The following RBFOX1 variants were observed in gnomAD, a reference collection of about 807,000 sequenced individuals.
The protein encoded by RBFOX1 is RNA binding fox-1 homolog 1.
A neutral mutation model predicts 57.7 loss-of-function variants in RBFOX1; 8 were observed. The ratio of observed to expected loss-of-function variants is 0.14; its 90% CI spans 0.08 to 0.25. The LOEUF (loss-of-function observed/expected upper bound fraction) is 0.25. RBFOX1 is among the 10% of genes least tolerant of loss of function. The pLI, the probability that RBFOX1 is intolerant of heterozygous loss-of-function variation, is 1.00. For synonymous variants in RBFOX1, 326 were observed against 222.4 expected, an observed-to-expected ratio of 1.47 and a Z score of -4.15; for missense variants, 611 against 548.5, an observed-to-expected ratio of 1.11 and a Z score of -1.14.
At chr16:7,221,431 A>G (rs56055240) in intron 4 of RBFOX1, among the ~76,000 whole-genome samples, 14,057 of 151,872 alleles carry the variant, frequency 0.093, 746 homozygotes, top group African/African-American at 0.13. Flanking sequence ...CAGTGGCCCA[A>G]TCTTGGCTCA....
intron 10 of RBFOX1, among the ~76,000 whole-genome samples, chr16:7,609,900 C>G (rs188770647): frequency 6.6e-6 from 1 of 151,912 alleles, no homozygotes; most frequent in African/African-American, 2.4e-5. Flanking sequence ...TCACTGCAAG[C>G]TCTGCCTCCC....
intron 4 of RBFOX1, among the ~76,000 whole-genome samples, chr16:5,879,633 T>TTAG (rs2057712673): frequency 6.6e-6 from 1 of 152,290 alleles, no homozygotes; most frequent in East Asian, 1.9e-4. Context: ...CCTGATCTAT[T>TTAG]TTCTTATTTA....
At chr16:6,036,410 A>G (rs2095366047) in intron 1 of RBFOX1, among the ~76,000 whole-genome samples, 1 of 150,962 alleles carries the variant, frequency 6.6e-6, no homozygotes, top group South Asian at 2.1e-4. Context: ...TTTTTTTGCC[A>G]TTGCTTTTTT....
chr16:5,444,252 A>G (rs1205492662), intron 1 of RBFOX1, among the ~76,000 whole-genome samples: 1 of 152,186 alleles, frequency 6.6e-6, no homozygotes, highest in Non-Finnish European at 1.5e-5. Context: ...AAAACTGCAG[A>G]TTGGCTGCCT....
At chr16:6,717,237 TA>T (rs374232884) in intron 3 of RBFOX1, among the ~76,000 whole-genome samples, 2,091 of 148,700 alleles carry the variant, frequency 0.014, 52 homozygotes, top group African/African-American at 0.048. Flanking sequence ...AGCAAACTGT[TA>T]AAAAAAAAAG....
intron 1 of RBFOX1, among the ~76,000 whole-genome samples, chr16:6,055,844 G>T (rs968004572): frequency 1.2e-4 from 18 of 152,074 alleles, no homozygotes; most frequent in South Asian, 4.2e-4. Context: ...AAAGTACAAG[G>T]ATGCAAATTC....
At chr16:5,386,871 C>T (rs1017517584) in intron 1 of RBFOX1, among the ~76,000 whole-genome samples, 3 of 152,022 alleles carry the variant, frequency 2.0e-5, no homozygotes, top group South Asian at 2.1e-4. Context: ...CCCAACACGG[C>T]GAAACCCCAT....
intron 4 of RBFOX1, among the ~76,000 whole-genome samples, chr16:7,203,858 T>C (rs918161281): frequency 1.3e-5 from 2 of 152,220 alleles, no homozygotes; most frequent in African/African-American, 4.8e-5. Context: ...AATCTAAGTT[T>C]GTCCAGAGAG....
intron 1 of RBFOX1, among the ~76,000 whole-genome samples, chr16:6,024,716 A>G (rs1461846955): frequency 6.6e-6 from 1 of 152,106 alleles, no homozygotes; most frequent in African/African-American, 2.4e-5. Context: ...CCTGACCTCA[A>G]GTGATCCACC....
At chr16:7,138,046 T>C (rs191944277) in intron 4 of RBFOX1, among the ~76,000 whole-genome samples, 1 of 152,322 alleles carries the variant, frequency 6.6e-6, no homozygotes, top group Non-Finnish European at 1.5e-5. Context: ...GCTGGAATTT[T>C]AGTCACCATC....
At chr16:5,677,828 G>T (rs927780141) in intron 3 of RBFOX1, among the ~76,000 whole-genome samples, 1 of 152,202 alleles carries the variant, frequency 6.6e-6, no homozygotes, top group African/African-American at 2.4e-5. Flanking sequence ...CTGGAGGAAC[G>T]TGTAAAAGTC....
intron 3 of RBFOX1, among the ~76,000 whole-genome samples, chr16:5,792,501 G>C (rs1187653596): frequency 6.6e-6 from 1 of 152,158 alleles, no homozygotes; most frequent in Non-Finnish European, 1.5e-5. Context: ...AATATATACT[G>C]TATTCTTATG....
At chr16:7,436,288 C>G (rs1463458735) in intron 4 of RBFOX1, among the ~76,000 whole-genome samples, 1 of 152,132 alleles carries the variant, frequency 6.6e-6, no homozygotes, top group Non-Finnish European at 1.5e-5. Flanking sequence ...TATGTTATTT[C>G]CGGTTGGTTT....
intron 4 of RBFOX1, among the ~76,000 whole-genome samples, chr16:7,467,886 C>G (rs1394252512): frequency 6.6e-6 from 1 of 152,170 alleles, no homozygotes; most frequent in Non-Finnish European, 1.5e-5. Context: ...CTGATTCAGC[C>G]CAAGAACTCT....
At chr16:7,388,031 T>C (rs181638133) in intron 4 of RBFOX1, among the ~76,000 whole-genome samples, 35 of 151,124 alleles carry the variant, frequency 2.3e-4, no homozygotes, top group South Asian at 4.2e-4. Flanking sequence ...AAAATATCCT[T>C]TTTTTTGTTT....
At chr16:6,667,457 C>G (rs1373029128) in intron 3 of RBFOX1, among the ~76,000 whole-genome samples, 1 of 152,124 alleles carries the variant, frequency 6.6e-6, no homozygotes, top group African/African-American at 2.4e-5. Context: ...GTTATTTAAC[C>G]TCTCAGATGC....
intron 4 of RBFOX1, among the ~76,000 whole-genome samples, chr16:6,009,816 CTGTGTGTGTG>C (rs148472437): frequency 6.7e-6 from 1 of 148,418 alleles, no homozygotes; most frequent in Non-Finnish European, 1.5e-5. Context: ...GTGTGTGTGT[CTGTGTGTGTG>C]TGTGTGTGTA....
chr16:7,092,410 A>C (rs943660811), intron 4 of RBFOX1, among the ~76,000 whole-genome samples: 1 of 152,256 alleles, frequency 6.6e-6, no homozygotes, highest in Non-Finnish European at 1.5e-5. Context: ...ACACTGCTTT[A>C]GAACTTACTG....
At chr16:7,412,614 A>T (rs1283578070) in intron 4 of RBFOX1, among the ~76,000 whole-genome samples, 1 of 152,206 alleles carries the variant, frequency 6.6e-6, no homozygotes, top group Non-Finnish European at 1.5e-5. Flanking sequence ...AGCGTTTCTC[A>T]CTTAGTAATA....
Sources: gnomAD v4.1 joint callset for allele counts (sites outside exome capture counted in the v4.1 genomes callset) on GRCh38, gnomAD v4.1.1 for gene constraint, MANE v1.5 for transcripts, NCBI Gene and HGNC (gene_info 2026-07-23, HGNC 2026-07-21) for gene names.